Variants in ZNF718 observed in about 807,000 individuals in gnomAD.
The protein encoded by ZNF718 is zinc finger protein 718.
ZNF718 carries 3 observed loss-of-function variants against 2.6 expected under a neutral mutation model. The observed-to-expected ratio is 1.16, with a 90% CI of 0.53 to 3.01. The LOEUF (loss-of-function observed/expected upper bound fraction) is 3.01, where lower values mean the gene tolerates loss of function less well. Ranked by LOEUF, ZNF718 falls within the 30% of genes most tolerant of loss-of-function variation. The pLI, the probability that ZNF718 is intolerant of heterozygous loss-of-function variation, is 0.03. For synonymous variants in ZNF718, 135 were observed against 77.9 expected, an observed-to-expected ratio of 1.73 and a Z score of -3.86; for missense variants, 468 against 230.0, an observed-to-expected ratio of 2.03 and a Z score of -6.69.
In ZNF718 at chr4:162,362, A is replaced by C; in HGVS notation, c.*240A>C. ...ATTCTTACTGCAGAAAACCCCTAGG[A>C]ATATTAAAAGTGTGGCAAAACCTTT... On this transcript the variant is annotated 3_prime_UTR_variant, in exon 4 of 4. Coordinates refer to ENST00000510175, the MANE Select transcript of ZNF718 (RefSeq NM_001039127.6). 2.6e-6 allele frequency: 1 copy of C among 379,400 alleles called. No homozygotes were observed. Among genetic ancestry groups the C allele is most frequent in the Non-Finnish European group, 4.7e-6 (1 of 212,252 alleles). 23.5% of individuals were successfully genotyped at this position (379,400 alleles called of 1,614,324 possible).
At chr4:149,244 A>G (rs1338446759) in intron 3 of ZNF718, among the ~76,000 whole-genome samples, 2 of 152,202 alleles carry the variant, frequency 1.3e-5, no homozygotes, top group Non-Finnish European at 1.5e-5. Context: ...ATGTATTGAC[A>G]TGGCTCATTT....
intron 1 of ZNF718, chr4:124,923 T>TCCGGAAGACA (rs1311864217): frequency 2.3e-6 from 1 of 443,014 alleles, no homozygotes; most frequent in Non-Finnish European, 4.1e-6. Context: ...TAGGAGCTCA[T>TCCGGAAGACA]CCGGAAGACA....
Position 128,348 on chromosome 4 carries a change from A to G in ZNF718, c.4-2440A>G, listed in dbSNP as rs1236676573. On this transcript the variant is annotated intron_variant, in intron 1 of 3. Transcript: ENST00000510175. The stretch of plus-strand genomic sequence containing the variant: ...GCTGTGTGAGAGGCTTCTGATGGGA[A>G]CAGAATCCTGTGGCAGAATCTTTAA... Among the ~76,000 whole-genome samples, 14 of 103,996 alleles carry G rather than the reference A, an allele frequency of 1.3e-4. 4 individuals are homozygous for G. The highest frequency in any genetic ancestry group is 4.3e-4 in the African/African-American group (13 of 29,982). 68.2% of individuals were successfully genotyped at this position (103,996 alleles called of 152,430 possible). A position where few individuals can be genotyped will look rare whatever the true frequency, so the allele number is the denominator to read the frequency against.
intron 3 of ZNF718, among the ~76,000 whole-genome samples, chr4:152,762 A>G (rs982491441): frequency 6.6e-6 from 1 of 151,886 alleles, no homozygotes; most frequent in Non-Finnish European, 1.5e-5. Context: ...CTGTGATGTG[A>G]TATTTTATTG....
chr4:184,193 G>A (rs1221862267), intron 3 of ZNF718, among the ~76,000 whole-genome samples: 2 of 152,066 alleles, frequency 1.3e-5, no homozygotes, highest in Non-Finnish European at 2.9e-5. Flanking sequence ...TCAATACTTA[G>A]TTTATTGAGA....
At chr4:168,470 C>A (rs1284805016), downstream of ZNF718, among the ~76,000 whole-genome samples, 1 of 152,120 alleles carries the variant, frequency 6.6e-6, no homozygotes, top group African/African-American at 2.4e-5. Flanking sequence ...GGCTGTGAAT[C>A]CATCTGGTGC....
downstream of ZNF718, among the ~76,000 whole-genome samples, chr4:166,567 T>C (rs1190468815): frequency 1.3e-5 from 2 of 152,198 alleles, no homozygotes; most frequent in South Asian, 2.1e-4. Context: ...TGGTATCTCA[T>C]TGTGGTTTTG....
intron 3 of ZNF718, among the ~76,000 whole-genome samples, chr4:147,032 G>A (rs541464164): frequency 6.6e-6 from 1 of 152,168 alleles, no homozygotes; most frequent in South Asian, 2.1e-4. Flanking sequence ...GTGCAGTGGG[G>A]TGATCTTGAC....
chr4:133,195 A>AAAAAACATAT lies in ZNF718; in HGVS notation c.226+1691_226+1692insAAAACATATA, dbSNP rs1258303094. Among the ~76,000 whole-genome samples the AAAAAACATAT allele has an allele frequency of 3.4e-4, 7 of 20,774 alleles. 3 individuals are homozygous for AAAAAACATAT. The Admixed American group carries it at 3.7e-3, about 11-fold the overall frequency. 13.6% of individuals were successfully genotyped at this position (20,774 alleles called of 152,430 possible). On this transcript the variant is annotated intron_variant, in intron 3 of 3. Transcript: ENST00000510175. ...TCCATCTTAAAAAAAAAAAAAAAAA[A>AAAAAACATAT]ATATATATATATATATATATATATA...
chr4:132,081 C>T lies in ZNF718; in HGVS notation c.226+576C>T, dbSNP rs1295658334. On this transcript the variant is annotated intron_variant, in intron 3 of 3. Coordinates refer to ENST00000510175, the MANE Select transcript of ZNF718 (RefSeq NM_001039127.6). ...AAACCCAGGAGGCAGAGGTTGCGGT[C>T]GGCTGAGATCGTGCCACTGCACTCC... Among the ~76,000 whole-genome samples the T allele has an allele frequency of 1.3e-4, 10 of 77,560 alleles. 5 individuals carry two copies. The East Asian group carries it at 4.6e-3, about 36-fold the overall frequency. The allele number at this position is 77,560 out of a possible 152,430, so 50.9% of individuals were successfully genotyped here.
intron 3 of ZNF718, among the ~76,000 whole-genome samples, chr4:182,366 T>A (rs1174668685): frequency 3.3e-5 from 5 of 152,144 alleles, no homozygotes; most frequent in Non-Finnish European, 5.9e-5. Flanking sequence ...TTCTGACTTG[T>A]GTGAGATGAT....
chr4:155,351 G>A (rs1368548168), intron 3 of ZNF718, among the ~76,000 whole-genome samples: 1 of 152,132 alleles, frequency 6.6e-6, no homozygotes, highest in Non-Finnish European at 1.5e-5. Flanking sequence ...CCATGCACCT[G>A]TAAAATCCAC....
Position 160,549 on chromosome 4 carries a change from ATTTG to A in ZNF718, c.227-359_227-356del, listed in dbSNP as rs144641635. ...ATTTGTAAAGTATATTTATTTACTT[ATTTG>A]TTTATTTATTTATTGAGATGGGGTC... is the stretch of plus-strand genomic sequence containing the variant. On this transcript the variant is annotated intron_variant, in intron 3 of 3. Transcript: ENST00000510175. Among the ~76,000 whole-genome samples the A allele has an allele frequency of 3.6e-3, 553 of 152,088 alleles. 6 individuals are homozygous for A. Among genetic ancestry groups the A allele is most frequent in the African/African-American group, 0.013 (522 of 41,502 alleles).
intron 3 of ZNF718, among the ~76,000 whole-genome samples, chr4:154,562 T>C (rs1312580113): frequency 6.6e-6 from 1 of 152,192 alleles, no homozygotes; most frequent in African/African-American, 2.4e-5. Context: ...GCAGAAAGAC[T>C]GGTGGCATTC....
chr4:184,952 T>C (rs1476629750), intron 3 of ZNF718, among the ~76,000 whole-genome samples: 1 of 152,128 alleles, frequency 6.6e-6, no homozygotes, highest in Non-Finnish European at 1.5e-5. Flanking sequence ...TCAAAAAAGC[T>C]CCTGGATTTG....
At chr4:142,923 T>G (rs184565514) in intron 3 of ZNF718, among the ~76,000 whole-genome samples, 2 of 152,310 alleles carry the variant, frequency 1.3e-5, no homozygotes, top group East Asian at 3.9e-4. Flanking sequence ...CTTGGTATTT[T>G]CCTCCCAATA....
Position 124,674 on chromosome 4 carries a change from G to C in ZNF718, c.3+1G>C. The C allele has an allele frequency of 1.2e-6, 2 of 1,609,500 alleles. No individual in the cohort carries two copies. Among genetic ancestry groups the C allele is most frequent in the Non-Finnish European group, 1.7e-6 (2 of 1,179,784 alleles). On this transcript the variant is annotated splice_donor_variant, in intron 1 of 3. Transcript: ENST00000510175. LOFTEE classifies it high-confidence loss of function. Reference sequence around the variant, plus strand: ...GGGACACTCCTGAAGTCGGGAAATGGTGAGTGTGCAGGGCAGGGCGTCCCA... The same window carrying C: ...GGGACACTCCTGAAGTCGGGAAATGCTGAGTGTGCAGGGCAGGGCGTCCCA...
At chr4:200,589 T>C (rs1186246979) in intron 3 of ZNF718, among the ~76,000 whole-genome samples, 1 of 152,182 alleles carries the variant, frequency 6.6e-6, no homozygotes, top group African/African-American at 2.4e-5. Flanking sequence ...TGTTTTGTTT[T>C]TGTTTTTTTT....
At chr4:181,973 T>C (rs1717474541) in intron 3 of ZNF718, among the ~76,000 whole-genome samples, 1 of 152,196 alleles carries the variant, frequency 6.6e-6, no homozygotes, top group Admixed American at 6.5e-5. Flanking sequence ...GATCTATCCA[T>C]GTCACTGCAA....
Sources: gnomAD v4.1 joint callset for allele counts (sites outside exome capture counted in the v4.1 genomes callset) on GRCh38, gnomAD v4.1.1 for gene constraint, MANE v1.5 for transcripts, NCBI Gene and HGNC (gene_info 2026-07-23, HGNC 2026-07-21) for gene names.